The following ERG variants were observed in gnomAD, a reference collection of about 807,000 sequenced individuals.
ERG encodes the protein transcriptional regulator ERG.
Under a neutral mutation model 55.3 loss-of-function variants are expected in ERG, and 9 were observed. The ratio of observed to expected loss-of-function variants is 0.16; its 90% CI spans 0.10 to 0.28. The LOEUF is 0.28. ERG is among the 10% of genes least tolerant of loss of function. The pLI is 1.00. For missense variants in ERG, 434 were observed against 631.6 expected (o/e 0.69, Z 3.35); for synonymous variants, 223 against 237.3 (o/e 0.94, Z 0.55).
In ERG at chr21:38,383,425, G is replaced by C. The variant is rs774462875; in HGVS notation, c.1418C>G (p.Ser473Cys). ...TCTTTAGTAGTAAGTGCCCAGATGAGAAGGCATATGGCTGGTGGGGAGCCT... is the reference window on the plus strand; with the variant it reads ...TCTTTAGTAGTAAGTGCCCAGATGACAAGGCATATGGCTGGTGGGGAGCCT... ...NTRLPTSHMP[S>C]HLGTYY Residue 473 changes from serine to cysteine, a missense_variant, in exon 10 of 10, where the codon TCT becomes TGT. Transcript: ENST00000288319. This position sits in a 1 kb window ranked among gnomAD's most constrained non-coding sequence, Gnocchi z 5.7. The C allele has an allele frequency of 1.3e-6, 2 of 1,510,258 alleles. No homozygotes were observed. Among genetic ancestry groups the C allele is most frequent in the Non-Finnish European group, 1.8e-6 (2 of 1,129,276 alleles). The allele number at this position is 1,510,258 out of a possible 1,614,324, so 93.6% of individuals were successfully genotyped here. A position where few individuals can be genotyped will look rare whatever the true frequency, so the allele number is the denominator to read the frequency against.
intron 2 of ERG, among the ~76,000 whole-genome samples, chr21:38,505,563 T>C (rs965385479): frequency 6.6e-6 from 1 of 152,200 alleles, no homozygotes. Context: ...TCTCAGCACA[T>C]GTTTTGGGAA....
At chr21:38,464,727 C>A (rs139931665) in intron 1 of ERG, among the ~76,000 whole-genome samples, 1 of 151,914 alleles carries the variant, frequency 6.6e-6, no homozygotes, top group South Asian at 2.1e-4. Flanking sequence ...CCTCCTACCC[C>A]CCGAGAGGCC....
At chr21:38,437,309 G>A (rs571996533) in intron 2 of ERG, among the ~76,000 whole-genome samples, 3 of 151,774 alleles carry the variant, frequency 2.0e-5, no homozygotes, top group South Asian at 2.1e-4. Context: ...AGTGCCACTC[G>A]GAGCCAGGTC....
intron 2 of ERG, among the ~76,000 whole-genome samples, chr21:38,553,716 C>A (rs1017402758): frequency 4.6e-5 from 7 of 151,912 alleles, no homozygotes; most frequent in African/African-American, 1.7e-4. Flanking sequence ...GTAAATCATA[C>A]AACTATAAAA....
chr21:38,429,665 A>ATGTG lies in ERG; in HGVS notation c.237-6105_237-6104insCACA, dbSNP rs774645396. 1.3e-4 allele frequency among the ~76,000 whole-genome samples: 11 copies of ATGTG among 87,646 alleles called. 1 individual carries two copies. Among genetic ancestry groups the ATGTG allele is most frequent in the African/African-American group, 5.3e-4 (11 of 20,698 alleles). 57.5% of individuals were successfully genotyped at this position (87,646 alleles called of 152,430 possible). On this transcript the variant is annotated intron_variant, in intron 2 of 9. Transcript: ENST00000288319. ...TGTATACACATGTACATATATACAT[A>ATGTG]TATGTGTATATATGTATATATGTGT...
At chr21:38,386,740 A>AC (rs1987706727) in intron 9 of ERG, among the ~76,000 whole-genome samples, 1 of 152,120 alleles carries the variant, frequency 6.6e-6, no homozygotes, top group African/African-American at 2.4e-5. Flanking sequence ...GAGTAGCATC[A>AC]CCACCTCTAC....
At position 38,468,942 on chromosome 21, in the gene ERG, G is replaced by A. The variant is rs892220377; in HGVS notation, c.19-23321C>T. Among the ~76,000 whole-genome samples the A allele has an allele frequency of 1.2e-4, 16 of 135,564 alleles. No homozygotes were observed. In the East Asian group the frequency reaches 2.7e-3, roughly 23 times the overall value. 88.9% of individuals were successfully genotyped at this position (135,564 alleles called of 152,430 possible). A position where few individuals can be genotyped will look rare whatever the true frequency, so the allele number is the denominator to read the frequency against. Reference sequence around the variant, plus strand: ...GGAGCTTGCAGTGAACCAAGATCGCGCCACTGCACTCCAGCCTGGGAGACA... The same window carrying A: ...GGAGCTTGCAGTGAACCAAGATCGCACCACTGCACTCCAGCCTGGGAGACA... On this transcript the variant is annotated intron_variant, in intron 1 of 9. Transcript: ENST00000288319.
intron 1 of ERG, among the ~76,000 whole-genome samples, chr21:38,619,746 G>A (rs1568953976): frequency 6.6e-6 from 1 of 152,224 alleles, no homozygotes; most frequent in Non-Finnish European, 1.5e-5. Context: ...GTGAATTTAT[G>A]GCATTGTGGC....
chr21:38,595,728 C>T (rs1057301273), intron 1 of ERG, among the ~76,000 whole-genome samples: 4 of 152,126 alleles, frequency 2.6e-5, no homozygotes, highest in Admixed American at 6.5e-5. Context: ...ATGGAAAGAG[C>T]TTCTCAGTGA....
At chr21:38,614,601 A>C (rs1031878358) in intron 1 of ERG, among the ~76,000 whole-genome samples, 1 of 152,192 alleles carries the variant, frequency 6.6e-6, no homozygotes, top group Non-Finnish European at 1.5e-5. Flanking sequence ...ATGCAGATGA[A>C]ACTACCTGCA....
intron 1 of ERG, among the ~76,000 whole-genome samples, chr21:38,459,380 G>GT (rs1056035174): frequency 3.3e-5 from 5 of 152,220 alleles, no homozygotes; most frequent in Non-Finnish European, 2.9e-5. Context: ...GATTTATTAT[G>GT]TAACAGTTTT....
intron 1 of ERG, among the ~76,000 whole-genome samples, chr21:38,628,887 A>G (rs1205310402): frequency 1.3e-5 from 2 of 152,220 alleles, no homozygotes; most frequent in African/African-American, 2.4e-5. Context: ...GTCAAGAGAT[A>G]AAGCAGCAGT....
intron 2 of ERG, among the ~76,000 whole-genome samples, chr21:38,527,577 G>A (rs1487333945): frequency 6.6e-6 from 1 of 152,154 alleles, no homozygotes; most frequent in African/African-American, 2.4e-5. Flanking sequence ...CTGAAGAGGA[G>A]GCGTTGATTG....
chr21:38,534,450 T>G (rs2836478), intron 2 of ERG, among the ~76,000 whole-genome samples: 28,580 of 152,120 alleles, frequency 0.19, 2,791 homozygotes, highest in African/African-American at 0.23. Context: ...AAAAAAGCAT[T>G]GACTGCTTGA....
intron 1 of ERG, among the ~76,000 whole-genome samples, chr21:38,459,767 C>A (rs1468158950): frequency 6.6e-6 from 1 of 152,168 alleles, no homozygotes; most frequent in Non-Finnish European, 1.5e-5. Flanking sequence ...GTACTGAACA[C>A]CTTTTCTACT....
chr21:38,533,139 C>G (rs963815178), intron 2 of ERG, among the ~76,000 whole-genome samples: 1 of 152,136 alleles, frequency 6.6e-6, no homozygotes, highest in African/African-American at 2.4e-5. Flanking sequence ...GGCTAACACC[C>G]AAATGAGGTC....
chr21:38,488,740 T>G lies in ERG; in HGVS notation c.18+9623A>C, dbSNP rs563731065. On this transcript the variant is annotated intron_variant, in intron 1 of 9. Transcript: ENST00000288319. ...TTCCATTGAATCTCAAAGAGACTTA[T>G]TTTTCTACCAAATATAAAAACATTC... 6.6e-5 allele frequency among the ~76,000 whole-genome samples: 10 copies of G among 152,340 alleles called. 1 individual carries two copies. In the South Asian group the frequency reaches 2.1e-3, roughly 32 times the overall value.
chr21:38,463,212 G>A (rs2059058949), intron 1 of ERG, among the ~76,000 whole-genome samples: 1 of 152,124 alleles, frequency 6.6e-6, no homozygotes, highest in Non-Finnish European at 1.5e-5. Flanking sequence ...TGCTTGCTGG[G>A]GTCTGTGCTT....
chr21:38,488,398 T>A (rs895158509), intron 1 of ERG, among the ~76,000 whole-genome samples: 3 of 152,178 alleles, frequency 2.0e-5, no homozygotes, highest in African/African-American at 7.2e-5. Flanking sequence ...TTTATTTTGT[T>A]TAGTTTATTG....
Sources: allele counts gnomAD v4.1 joint callset (sites outside exome capture counted in the v4.1 genomes callset), GRCh38; gene constraint gnomAD v4.1.1; non-coding constraint Gnocchi (gnomAD v3.1); transcripts MANE v1.5; gene names NCBI Gene and HGNC (gene_info 2026-07-23, HGNC 2026-07-21).